NEMF: variants seen among roughly 807,000 people sequenced by gnomAD.
NEMF encodes the protein nuclear export mediator factor.
A neutral mutation model predicts 162.2 loss-of-function variants in NEMF; 89 were observed. The ratio of observed to expected loss-of-function variants is 0.55; its 90% confidence interval spans 0.46 to 0.65. The LOEUF (loss-of-function observed/expected upper bound fraction) is 0.65. NEMF is among the 30% of genes least tolerant of loss of function. The probability of loss-of-function intolerance (pLI) is 0.00; values close to 1 mark genes in which losing one functional copy is unlikely to be tolerated. For missense variants in NEMF, 1,133 were observed against 1,261.9 expected (o/e 0.90, Z 1.55); for synonymous variants, 421 against 404.5 (o/e 1.04, Z -0.49).
At chr14:49,788,946 T>G (rs1387366407) in intron 28 of NEMF, among the ~76,000 whole-genome samples, 200 bp downstream of exon 28, 1 of 152,190 alleles carries the variant, frequency 6.6e-6, no homozygotes, top group Non-Finnish European at 1.5e-5. Flanking sequence ...AAAATTGTTA[T>G]CAGCTATCAG....
At chr14:49,831,675 G>C (rs61649617) in intron 10 of NEMF, among the ~76,000 whole-genome samples, 3,107 of 152,162 alleles carry the variant, frequency 0.02, 93 homozygotes, top group African/African-American at 0.069. Context: ...GACCTCAACT[G>C]ATCTGCCTGC....
chr14:49,848,402 CTT>C (rs1204990141), intron 3 of NEMF, among the ~76,000 whole-genome samples: 2 of 152,150 alleles, frequency 1.3e-5, no homozygotes, highest in Non-Finnish European at 2.9e-5. Context: ...CATGTACCGT[CTT>C]TTTGTACAAA....
chr14:49,832,550 G>C (rs1756547018), intron 8 of NEMF, among the ~76,000 whole-genome samples: 1 of 151,988 alleles, frequency 6.6e-6, no homozygotes, highest in African/African-American at 2.4e-5. Flanking sequence ...CCAGGGTGGT[G>C]TCGAACTCTT....
chr14:49,828,626 T>C lies in NEMF; in HGVS notation c.1414A>G (p.Asn472Asp). Residue 472 changes from asparagine (N) to aspartate (D), a missense_variant, in exon 14 of 33, where the codon AAT (asparagine) becomes GAT (aspartate). Around this residue, in one of 3 missense-constraint regions of NEMF, gnomAD observed 582 missense variants for 631.5 expected, o/e 0.92. Coordinates refer to ENST00000298310, the MANE Select transcript of NEMF (RefSeq NM_004713.6). The part of the protein sequence containing the change: ...DVDLSLSAYA[N>D]AKKYYDHKRY... ...AGTTAAATGACTTACTTTTTGGCAT[T>C]GGCATATGCTGACAAGCTGAGATCA... 2 of 1,553,686 alleles carry C rather than the reference T, an allele frequency of 1.3e-6. No individual in the cohort carries two copies. The highest frequency in any genetic ancestry group is 1.7e-6 in the Non-Finnish European group (2 of 1,159,418).
chr14:49,844,199 G>A (rs1254877461), intron 4 of NEMF, among the ~76,000 whole-genome samples: 4 of 152,028 alleles, frequency 2.6e-5, no homozygotes, highest in Admixed American at 2.6e-4. Context: ...TGGATGGGGG[G>A]TGCAGGGGTA....
chr14:49,796,573 A>C (rs1471361523), intron 25 of NEMF, among the ~76,000 whole-genome samples: 5 of 151,848 alleles, frequency 3.3e-5, no homozygotes, highest in African/African-American at 9.7e-5. Flanking sequence ...CTGGTCTCAA[A>C]CTTCTGACCT....
At chr14:49,839,497 A>G (rs777745174) in intron 5 of NEMF, 3 of 152,286 alleles carry the variant, frequency 2.0e-5, no homozygotes, top group Non-Finnish European at 4.4e-5. Context: ...ATGAGTCAGC[A>G]GGGCCTTCCA....
chr14:49,832,326 T>A, intron 8 of NEMF, 49 bp from the exon 9 acceptor site: 1 of 1,239,750 alleles, frequency 8.1e-7, no homozygotes, highest in Non-Finnish European at 1.1e-6. Flanking sequence ...TTAACAAAGA[T>A]TTACTTCTTT....
At chr14:49,833,357 T>C (rs1222843675) in intron 8 of NEMF, 66 bp downstream of exon 8, 2 of 933,600 alleles carry the variant, frequency 2.1e-6, no homozygotes, top group African/African-American at 3.3e-5. Flanking sequence ...GATCCTTTAA[T>C]GAACGTTTAA....
At chr14:49,796,630 C>T (rs796481052) in intron 25 of NEMF, among the ~76,000 whole-genome samples, 12 of 152,304 alleles carry the variant, frequency 7.9e-5, no homozygotes, top group African/African-American at 2.6e-4. Context: ...GGATTATAGG[C>T]GTGAGCCACC....
At chr14:49,788,370 T>C (rs1890278924) in intron 28 of NEMF, among the ~76,000 whole-genome samples, 1 of 151,522 alleles carries the variant, frequency 6.6e-6, no homozygotes, top group Non-Finnish European at 1.5e-5. Context: ...ATAAAACAAT[T>C]AGGCAATCAT....
At position 49,789,279 on chromosome 14, in the gene NEMF, G is replaced by C. The variant is rs1462505480; in HGVS notation, c.2762C>G (p.Pro921Arg). Reference sequence around the variant, plus strand: ...AGGTTTCTGGGGCTGTTTCTTCACAGGTTCGTCCTTTGTTTTTCCTTTCTT... The same window carrying C: ...AGGTTTCTGGGGCTGTTTCTTCACACGTTCGTCCTTTGTTTTTCCTTTCTT... ...KGKKGKTKDE[P>R]VKKQPQKPRG... is the part of the protein sequence containing the mutation. The change falls in exon 28 of 33, where the codon CCT (proline) becomes CGT (arginine). Residue 921 changes from proline (P) to arginine (R), a missense_variant. Pro to Arg is a moderately radical substitution (Grantham distance 103). Coordinates refer to ENST00000298310, the MANE Select transcript of NEMF (RefSeq NM_004713.6). 1.2e-6 allele frequency: 2 copies of C among 1,614,070 alleles called. No homozygotes were observed. The highest frequency in any genetic ancestry group is 8.5e-7 in the Non-Finnish European group (1 of 1,180,002).
chr14:49,832,392 T>C, intron 8 of NEMF, 115 bp from the exon 9 acceptor site: 23 of 679,850 alleles, frequency 3.4e-5, no homozygotes, highest in Non-Finnish European at 4.9e-5. Context: ...AGTGCAGTGG[T>C]ATATTCTCGG....
intron 3 of NEMF, among the ~76,000 whole-genome samples, chr14:49,848,200 G>A (rs1382971028): frequency 1.3e-5 from 2 of 152,014 alleles, no homozygotes; most frequent in East Asian, 3.9e-4. Flanking sequence ...ATAACCCAAA[G>A]AGAATTTTCC....
chr14:49,826,173 T>C (rs1178971978), intron 15 of NEMF, among the ~76,000 whole-genome samples: 1 of 152,068 alleles, frequency 6.6e-6, no homozygotes, highest in Non-Finnish European at 1.5e-5. Flanking sequence ...ACTAAAGAAT[T>C]ACTACATGAA....
intron 16 of NEMF, among the ~76,000 whole-genome samples, chr14:49,817,048 T>C (rs1891748796): frequency 6.6e-6 from 1 of 152,168 alleles, no homozygotes; most frequent in Admixed American, 6.5e-5. Context: ...ATGCATTAAA[T>C]GCCCAGGTAA....
At chr14:49,848,579 G>T (rs571758671) in intron 3 of NEMF, among the ~76,000 whole-genome samples, 1 of 152,260 alleles carries the variant, frequency 6.6e-6, no homozygotes, top group South Asian at 2.1e-4. Context: ...GCTCACGCCT[G>T]TAATCCCAGC....
Position 49,829,276 on chromosome 14 carries a change from C to T in NEMF, c.1024-14G>A, listed in dbSNP as rs368034201. The T allele has an allele frequency of 2.2e-5, 36 of 1,613,640 alleles. No individual in the cohort carries two copies. Among genetic ancestry groups the T allele is most frequent in the Non-Finnish European group, 2.8e-5 (33 of 1,179,748 alleles). On this transcript the variant is annotated splice_polypyrimidine_tract_variant and intron_variant, in intron 12 of 32. Coordinates refer to ENST00000298310, the MANE Select transcript of NEMF (RefSeq NM_004713.6). ...TTTGTCTATTTCCTTAAAAAACAAACCACACACATTTACTACATTGCCAGT... is the reference window on the plus strand; with the variant it reads ...TTTGTCTATTTCCTTAAAAAACAAATCACACACATTTACTACATTGCCAGT...
intron 6 of NEMF, among the ~76,000 whole-genome samples, chr14:49,835,299 A>G (rs1454156445): frequency 3.9e-5 from 6 of 152,078 alleles, no homozygotes. Flanking sequence ...AGTGCAAGTT[A>G]TAGGAATTTA....
Sources: allele counts gnomAD v4.1 joint callset (sites outside exome capture counted in the v4.1 genomes callset), GRCh38; gene constraint gnomAD v4.1.1; regional missense constraint gnomAD v4.1.1; transcripts MANE v1.5; gene names NCBI Gene and HGNC (gene_info 2026-07-23, HGNC 2026-07-21).